Variants in GABRB2 observed in about 807,000 individuals in gnomAD.
GABRB2 encodes the protein gamma-aminobutyric acid receptor subunit beta-2.
Under a neutral mutation model 54.7 loss-of-function variants are expected in GABRB2, and 16 were observed. That is an observed-to-expected ratio of 0.29 (90% CI 0.20 to 0.44). The LOEUF (loss-of-function observed/expected upper bound fraction) is 0.44, where lower values mean the gene tolerates loss of function less well. GABRB2 is among the 20% of genes least tolerant of loss of function. GABRB2 has a pLI of 1.00. For synonymous variants in GABRB2, 244 were observed against 233.8 expected (o/e 1.04, Z -0.40); for missense variants, 355 against 644.0 (o/e 0.55, Z 4.86).
At chr5:161,431,824 G>A (rs79091883) in intron 4 of GABRB2, among the ~76,000 whole-genome samples, 6,228 of 152,130 alleles carry the variant, frequency 0.041, 163 homozygotes, top group Middle Eastern at 0.076. Flanking sequence ...TCTTAATTCC[G>A]GATAACACGG....
At chr5:161,390,246 A>T (rs942335340) in intron 5 of GABRB2, among the ~76,000 whole-genome samples, 2 of 152,074 alleles carry the variant, frequency 1.3e-5, no homozygotes, top group African/African-American at 2.4e-5. Context: ...ACTTTCTTAA[A>T]TAAGTAAATT....
At chr5:161,332,038 C>A (rs1356273413) in intron 7 of GABRB2, among the ~76,000 whole-genome samples, 1 of 151,522 alleles carries the variant, frequency 6.6e-6, no homozygotes, top group Non-Finnish European at 1.5e-5. Context: ...TGATGGCGGG[C>A]GCCTGTAGTC....
intron 3 of GABRB2, among the ~76,000 whole-genome samples, chr5:161,512,695 C>G (rs1759813624): frequency 6.6e-6 from 1 of 151,932 alleles, no homozygotes; most frequent in Admixed American, 6.6e-5. Flanking sequence ...GTAATTGCAA[C>G]AAAAATAAAA....
At chr5:161,423,787 A>G (rs963647854) in intron 4 of GABRB2, among the ~76,000 whole-genome samples, 4 of 152,164 alleles carry the variant, frequency 2.6e-5, no homozygotes, top group African/African-American at 9.6e-5. Context: ...ACTCTTAGTA[A>G]GAAAGGCTGA....
chr5:161,392,914 G>A (rs1027209538), intron 5 of GABRB2, among the ~76,000 whole-genome samples: 2 of 151,958 alleles, frequency 1.3e-5, no homozygotes, highest in African/African-American at 4.8e-5. Context: ...CATTATTCTT[G>A]TATATTATTC....
At chr5:161,460,880 G>A (rs1161507033) in intron 3 of GABRB2, among the ~76,000 whole-genome samples, 2 of 152,090 alleles carry the variant, frequency 1.3e-5, no homozygotes, top group African/African-American at 4.8e-5. Flanking sequence ...GCTTTTCTTG[G>A]GAGTTGGCAT....
intron 9 of GABRB2, among the ~76,000 whole-genome samples, chr5:161,312,961 T>C (rs1464768942): frequency 6.6e-6 from 1 of 152,198 alleles, no homozygotes; most frequent in African/African-American, 2.4e-5. Context: ...GCAGTCCAGA[T>C]AGTGGAAGTG....
intron 9 of GABRB2, among the ~76,000 whole-genome samples, chr5:161,299,046 T>C (rs1757462979): frequency 6.6e-6 from 1 of 152,094 alleles, no homozygotes; most frequent in Non-Finnish European, 1.5e-5. Context: ...TCTCAGTGCA[T>C]GGTAGGGGCA....
chr5:161,295,366 C>G (rs565295322), intron 9 of GABRB2, among the ~76,000 whole-genome samples: 88 of 152,238 alleles, frequency 5.8e-4, no homozygotes, highest in African/African-American at 2.1e-3. Flanking sequence ...AATGTTCTTT[C>G]TTGTGTTAAG....
chr5:161,504,423 A>C (rs1207690593), intron 3 of GABRB2, among the ~76,000 whole-genome samples: 1 of 152,184 alleles, frequency 6.6e-6, no homozygotes, highest in East Asian at 1.9e-4. Context: ...GAAATCGCAC[A>C]ACATTTAGAA....
At chr5:161,484,471 C>G (rs1289776698) in intron 3 of GABRB2, among the ~76,000 whole-genome samples, 1 of 151,914 alleles carries the variant, frequency 6.6e-6, no homozygotes, top group Non-Finnish European at 1.5e-5. Flanking sequence ...AAAGATGAGA[C>G]AGTCTCAGAG....
chr5:161,383,868 A>G (rs1755543445), intron 5 of GABRB2, among the ~76,000 whole-genome samples: 1 of 152,236 alleles, frequency 6.6e-6, no homozygotes, highest in South Asian at 2.1e-4. Context: ...TAAAGTATGT[A>G]TGTATAGATA....
At chr5:161,397,967 T>C (rs958782614) in intron 5 of GABRB2, among the ~76,000 whole-genome samples, 1 of 152,170 alleles carries the variant, frequency 6.6e-6, no homozygotes, top group African/African-American at 2.4e-5. Flanking sequence ...ATAAGGCATT[T>C]AGTACACAGT....
At chr5:161,504,512 A>T (rs1472800171) in intron 3 of GABRB2, among the ~76,000 whole-genome samples, 1 of 152,140 alleles carries the variant, frequency 6.6e-6, no homozygotes, top group African/African-American at 2.4e-5. Context: ...TCAATAATAA[A>T]ACAATAATAT....
At chr5:161,495,776 C>G (rs945855246) in intron 3 of GABRB2, among the ~76,000 whole-genome samples, 1 of 152,054 alleles carries the variant, frequency 6.6e-6, no homozygotes, top group African/African-American at 2.4e-5. Flanking sequence ...CTGTGTGAGA[C>G]TTCCTCATGA....
intron 9 of GABRB2, among the ~76,000 whole-genome samples, chr5:161,308,515 C>T (rs890241055): frequency 6.6e-6 from 1 of 152,088 alleles, no homozygotes; most frequent in African/African-American, 2.4e-5. Context: ...CCATATAGAA[C>T]CAAATTCCTA....
intron 4 of GABRB2, among the ~76,000 whole-genome samples, chr5:161,423,856 G>C (rs552956492): frequency 6.6e-6 from 1 of 152,192 alleles, no homozygotes; most frequent in African/African-American, 2.4e-5. Flanking sequence ...AGTTCCTGAA[G>C]GAAATTTAAA....
chr5:161,521,291 T>C (rs962553784), intron 3 of GABRB2, among the ~76,000 whole-genome samples: 1 of 151,978 alleles, frequency 6.6e-6, no homozygotes, highest in African/African-American at 2.4e-5. Context: ...CTTTATTTTT[T>C]GTTACCTTGA....
At chr5:161,452,158 AAT>A (rs1175082148) in intron 4 of GABRB2, among the ~76,000 whole-genome samples, 1 of 152,128 alleles carries the variant, frequency 6.6e-6, no homozygotes, top group Non-Finnish European at 1.5e-5. Flanking sequence ...TGTGTACCTG[AAT>A]GTTATGATAT....
Sources: gnomAD v4.1 joint callset for allele counts (sites outside exome capture counted in the v4.1 genomes callset) on GRCh38, gnomAD v4.1.1 for gene constraint, MANE v1.5 for transcripts, NCBI Gene and HGNC (gene_info 2026-07-23, HGNC 2026-07-21) for gene names.